KIAA0040: variants seen among roughly 807,000 people sequenced by gnomAD.
KIAA0040 encodes the protein KIAA0040.
A neutral mutation model predicts 7.2 loss-of-function variants in KIAA0040; 10 were observed. The observed-to-expected ratio is 1.38, with a 90% CI of 0.85 to 2.34. KIAA0040 has a LOEUF of 2.34. Ranked by LOEUF, KIAA0040 falls within the 30% of genes most tolerant of loss-of-function variation. The pLI is 0.00. For synonymous variants in KIAA0040, 49 were observed against 40.1 expected (o/e 1.22, Z -0.84); for missense variants, 89 against 108.2 (o/e 0.82, Z 0.79).
intron 3 of KIAA0040, among the ~76,000 whole-genome samples, chr1:175,161,459 G>A (rs545470192): frequency 2.2e-4 from 33 of 152,300 alleles, no homozygotes; most frequent in African/African-American, 7.5e-4. Context: ...GTTCTGATAA[G>A]GGGTTGCTTC....
rs1023535448 is a variant in KIAA0040 at position 175,159,370 on chromosome 1, G to C, written c.*1344C>G. Reference sequence around the variant, plus strand: ...CCAATTTCATCCATTGCAGCAATTAGTGGGCTCACTTAGAAGAGAAGATCA... The same window carrying C: ...CCAATTTCATCCATTGCAGCAATTACTGGGCTCACTTAGAAGAGAAGATCA... On this transcript the variant is annotated 3_prime_UTR_variant, in exon 4 of 4. Coordinates refer to ENST00000423313, the MANE Select transcript of KIAA0040 (RefSeq NM_014656.3). 2.0e-5 allele frequency: 3 copies of C among 152,220 alleles called. No individual in the cohort carries two copies. The highest frequency in any genetic ancestry group is 7.2e-5 in the African/African-American group (3 of 41,434). 9.4% of individuals were successfully genotyped at this position (152,220 alleles called of 1,614,324 possible).
At chr1:175,182,685 G>T (rs1390808658) in intron 1 of KIAA0040, among the ~76,000 whole-genome samples, 1 of 152,160 alleles carries the variant, frequency 6.6e-6, no homozygotes, top group Non-Finnish European at 1.5e-5. Context: ...ACCACACACT[G>T]GCTTCTGAAT....
At chr1:175,192,817 G>GCCCCCCCCCCCCCCCCCCCCCCCCC (rs1558405268), upstream of KIAA0040, 2 of 123,534 alleles carry the variant, frequency 1.6e-5, no homozygotes, top group East Asian at 2.5e-4. Flanking sequence ...CGTGGGAGCC[G>GCCCCCCCCCCCCCCCCCCCCCCCCC]CCCGCCCCGC....
chr1:175,163,520 C>T (rs1676630758), intron 3 of KIAA0040, among the ~76,000 whole-genome samples: 1 of 152,238 alleles, frequency 6.6e-6, no homozygotes, highest in East Asian at 1.9e-4. Context: ...ATCAAGCTGC[C>T]AGGCTCTCTG....
In KIAA0040 at chr1:175,161,059, C is replaced by T. The variant is rs1676523137; in HGVS notation, c.-46G>A. ...CCAGAGAACCCTCTCGGCTTACAAG[C>T]AGGTCCTGGGCTCAAAAGGATGCAA... is the stretch of plus-strand genomic sequence containing the variant. On this transcript the variant is annotated 5_prime_UTR_variant, in exon 4 of 4. Transcript: ENST00000423313. 3 of 1,506,714 alleles carry T rather than the reference C, an allele frequency of 2.0e-6. No homozygotes were observed. In the African/African-American group the frequency reaches 4.2e-5, roughly 21 times the overall value. The allele number at this position is 1,506,714 out of a possible 1,614,324, so 93.3% of individuals were successfully genotyped here.
chr1:175,165,116 A>G lies in KIAA0040; in HGVS notation c.-134+1446T>C, dbSNP rs185469687. 5.3e-5 allele frequency among the ~76,000 whole-genome samples: 8 copies of G among 152,270 alleles called. No individual in the cohort carries two copies. In the South Asian group the frequency reaches 8.3e-4, roughly 16 times the overall value. ...GAAACCAAATATTATTTACCTCCAT[A>G]TCCTCTGTAGTATCTAGCTAGGGAG... On this transcript the variant is annotated intron_variant, in intron 3 of 3. Coordinates refer to ENST00000423313, the MANE Select transcript of KIAA0040 (RefSeq NM_014656.3).
chr1:175,182,884 T>TA, intron 1 of KIAA0040, among the ~76,000 whole-genome samples: 3 of 152,316 alleles, frequency 2.0e-5, no homozygotes. Context: ...AGGCACCCTG[T>TA]AGGCATCTGA....
At chr1:175,174,908 T>C (rs1193539245) in intron 2 of KIAA0040, among the ~76,000 whole-genome samples, 1 of 152,170 alleles carries the variant, frequency 6.6e-6, no homozygotes, top group African/African-American at 2.4e-5. Flanking sequence ...GGTTATATAG[T>C]TCTCATTTTC....
intron 1 of KIAA0040, among the ~76,000 whole-genome samples, chr1:175,185,113 T>A (rs979273928): frequency 6.6e-6 from 1 of 152,138 alleles, no homozygotes; most frequent in South Asian, 2.1e-4. Flanking sequence ...TGAGTGCTGA[T>A]AGGACACTGA....
At chr1:175,167,741 C>T (rs1035707066) in intron 2 of KIAA0040, among the ~76,000 whole-genome samples, 11 of 152,024 alleles carry the variant, frequency 7.2e-5, no homozygotes, top group African/African-American at 2.4e-4. Context: ...GGGATGATGG[C>T]GTGGCTCAGG....
rs565208235 is a variant in KIAA0040 at position 175,166,636 on chromosome 1, A to T, written c.-208T>A. 3 of 152,246 alleles carry T rather than the reference A, an allele frequency of 2.0e-5. No homozygotes were observed. Among genetic ancestry groups the T allele is most frequent in the African/African-American group, 7.2e-5 (3 of 41,428 alleles). The allele number at this position is 152,246 out of a possible 1,614,324, so 9.4% of individuals were successfully genotyped here. A position where few individuals can be genotyped will look rare whatever the true frequency, so the allele number is the denominator to read the frequency against. On this transcript the variant is annotated 5_prime_UTR_variant, in exon 3 of 4. It removes the in-frame stop codon of an upstream open reading frame in the 5' UTR. Transcript: ENST00000423313. ...ACGTTACTTCTTGCTTTGCGTTGTC[A>T]GGGGATCTCGGCCAGAACTGCTTTC...
At chr1:175,178,725 G>C (rs1051493441) in intron 1 of KIAA0040, among the ~76,000 whole-genome samples, 7 of 152,108 alleles carry the variant, frequency 4.6e-5, no homozygotes, top group African/African-American at 1.7e-4. Context: ...TCAGGATCCT[G>C]GTCTCTAAGA....
chr1:175,170,979 T>A (rs1260863948), intron 2 of KIAA0040, among the ~76,000 whole-genome samples: 2 of 152,206 alleles, frequency 1.3e-5, no homozygotes, highest in Non-Finnish European at 2.9e-5. Context: ...TGGTACTCTC[T>A]TCTCTCCCAT....
At position 175,172,067 on chromosome 1, in the gene KIAA0040, T is replaced by C. The variant is rs547159294; in HGVS notation, c.-309-5330A>G. ...GGAAGGTCTGGAATCTCCAGTTCCT[T>C]TATTCTTCTTTACTCTTTTCCCTTT... On this transcript the variant is annotated intron_variant, in intron 2 of 3. Coordinates refer to ENST00000423313, the MANE Select transcript of KIAA0040 (RefSeq NM_014656.3). 2.0e-5 allele frequency among the ~76,000 whole-genome samples: 3 copies of C among 152,288 alleles called. No individual in the cohort carries two copies. The East Asian group carries it at 5.8e-4, about 29-fold the overall frequency.
rs538794937 is a variant in KIAA0040 at position 175,158,448 on chromosome 1, C to G, written c.*2266G>C. On this transcript the variant is annotated 3_prime_UTR_variant, in exon 4 of 4. Coordinates refer to ENST00000423313, the MANE Select transcript of KIAA0040 (RefSeq NM_014656.3). ...ATGTTACTTGTATGGTCCCGGATCC[C>G]GGTGATCCGCCCTCCTAGATCATAT... 6.6e-6 allele frequency: 1 copy of G among 152,124 alleles called. No homozygotes were observed. Among genetic ancestry groups the G allele is most frequent in the Non-Finnish European group, 1.5e-5 (1 of 68,048 alleles). The allele number at this position is 152,124 out of a possible 1,614,324, so 9.4% of individuals were successfully genotyped here. A position where few individuals can be genotyped will look rare whatever the true frequency, so the allele number is the denominator to read the frequency against.
At chr1:175,185,195 GA>G (rs200292413) in intron 1 of KIAA0040, among the ~76,000 whole-genome samples, 1,575 of 149,172 alleles carry the variant, frequency 0.011, 27 homozygotes, top group African/African-American at 0.035. Context: ...TCTAAAATCT[GA>G]AAAAAAAAAT....
At chr1:175,175,005 G>A (rs1372429125) in intron 2 of KIAA0040, among the ~76,000 whole-genome samples, 3 of 152,174 alleles carry the variant, frequency 2.0e-5, no homozygotes, top group Non-Finnish European at 4.4e-5. Context: ...TTTTTGGAGA[G>A]CCAGAAGCCG....
intron 1 of KIAA0040, among the ~76,000 whole-genome samples, chr1:175,180,181 C>A (rs992464004): frequency 6.6e-6 from 1 of 152,186 alleles, no homozygotes; most frequent in South Asian, 2.1e-4. Context: ...CTTCACCATA[C>A]CTACATTGTC....
intron 2 of KIAA0040, among the ~76,000 whole-genome samples, chr1:175,168,486 C>T (rs1676861738): frequency 6.6e-6 from 1 of 151,938 alleles, no homozygotes. Flanking sequence ...ATTATGGTTG[C>T]AATTTTGAAC....
Sources: allele counts gnomAD v4.1 joint callset (sites outside exome capture counted in the v4.1 genomes callset), GRCh38; gene constraint gnomAD v4.1.1; transcripts MANE v1.5; gene names NCBI Gene and HGNC (gene_info 2026-07-23, HGNC 2026-07-21).